BASP1: variants seen among roughly 807,000 people sequenced by gnomAD.
BASP1 encodes brain acid soluble protein 1.
BASP1 carries 1 observed loss-of-function variant against 2.2 expected under a neutral mutation model. The observed-to-expected ratio is 0.46, with a 90% CI of 0.16 to 2.17. BASP1 has a LOEUF of 2.17. Ranked by LOEUF, BASP1 falls within the 30% of genes most tolerant of loss-of-function variation. The probability of loss-of-function intolerance (pLI) is 0.27; values close to 1 mark genes in which losing one functional copy is unlikely to be tolerated. For synonymous variants in BASP1, 187 were observed against 154.2 expected (o/e 1.21, Z -1.58); for missense variants, 352 against 327.2 (o/e 1.08, Z -0.58).
At chr5:17,267,508 AT>A (rs750755152) in intron 1 of BASP1, among the ~76,000 whole-genome samples, 25 of 147,638 alleles carry the variant, frequency 1.7e-4, no homozygotes, top group African/African-American at 5.8e-4. Flanking sequence ...TTTTGTTTGT[AT>A]TTTTTTTTGC....
intron 1 of BASP1, among the ~76,000 whole-genome samples, chr5:17,223,900 C>G (rs1448544338): frequency 6.6e-6 from 1 of 152,210 alleles, no homozygotes; most frequent in Non-Finnish European, 1.5e-5. Context: ...CTACCTCCAC[C>G]CTGCCCCTGC....
At chr5:17,230,612 A>T (rs866108575) in intron 1 of BASP1, among the ~76,000 whole-genome samples, 7 of 152,052 alleles carry the variant, frequency 4.6e-5, no homozygotes, top group South Asian at 4.2e-4. Flanking sequence ...TCTGTGATGC[A>T]GGCTGCAGTG....
Position 17,259,666 on chromosome 5 carries a change from G to GA in BASP1, c.-9-15538dup, listed in dbSNP as rs1167739810. ...ATATGTAAGAATTTTAGGTGGTCGT[G>GA]AAAAGTGTGAACCAGCCCTTTATTT... On this transcript the variant is annotated intron_variant, in intron 1 of 1. Transcript: ENST00000322611. Among the ~76,000 whole-genome samples the GA allele has an allele frequency of 2.6e-5, 4 of 152,306 alleles. No individual in the cohort carries two copies. The East Asian group carries it at 7.7e-4, about 29-fold the overall frequency.
Position 17,275,223 on chromosome 5 carries a change from G to A in BASP1, c.7G>A (p.Gly3Ser). 6.2e-7 allele frequency: 1 copy of A among 1,613,682 alleles called. No homozygotes were observed. Among genetic ancestry groups the A allele is most frequent in the South Asian group, 1.1e-5 (1 of 91,050 alleles). MGGKLSKKKKGYN... is the reference protein window; with the variant it reads MGSKLSKKKKGYN... ...TTGCTTCCAGAACTCCAAGATGGGA[G>A]GCAAGCTCAGCAAGAAGAAGAAGGG... The change falls in exon 2 of 2, where the codon GGC becomes AGC. Residue 3 changes from glycine (G) to serine (S), a missense_variant. Coordinates refer to ENST00000322611, the MANE Select transcript of BASP1 (RefSeq NM_006317.5). This position sits in a 1 kb window ranked among gnomAD's most constrained non-coding sequence, Gnocchi z 5.3.
At chr5:17,237,403 A>G (rs1739770285) in intron 1 of BASP1, among the ~76,000 whole-genome samples, 1 of 152,202 alleles carries the variant, frequency 6.6e-6, no homozygotes, top group Non-Finnish European at 1.5e-5. Flanking sequence ...TGAAGGACCC[A>G]AAGAACTCTC....
chr5:17,225,999 T>A (rs1052320546), intron 1 of BASP1, among the ~76,000 whole-genome samples: 1 of 152,226 alleles, frequency 6.6e-6, no homozygotes. Context: ...AAATGTAAAC[T>A]GTGTGCATTT....
rs574671566 is a variant in BASP1 at position 17,235,944 on chromosome 5, T to G, written c.-10+18134T>G. ...TAATTGCTCTTTATGAATCACTGCT[T>G]TAGTCCAAGCTTGTCCAGTTCTCTG... is the stretch of plus-strand genomic sequence containing the variant. On this transcript the variant is annotated intron_variant, in intron 1 of 1. Transcript: ENST00000322611. Among the ~76,000 whole-genome samples, 449 of 152,318 alleles carry G rather than the reference T, an allele frequency of 2.9e-3. 3 individuals are homozygous for G. The highest frequency in any genetic ancestry group is 0.014 in the Middle Eastern group (4 of 294).
chr5:17,219,041 C>T (rs1022384789), intron 1 of BASP1, among the ~76,000 whole-genome samples: 27 of 152,108 alleles, frequency 1.8e-4, no homozygotes, highest in Admixed American at 1.6e-3. Flanking sequence ...CACTGTGGGG[C>T]GGGCTAAAAC....
chr5:17,240,303 T>C (rs908410284), intron 1 of BASP1, among the ~76,000 whole-genome samples: 4 of 152,024 alleles, frequency 2.6e-5, no homozygotes, highest in Admixed American at 2.6e-4. Flanking sequence ...GGTAGGCCGA[T>C]GTAGGCAGAT....
chr5:17,275,965 CTCTCT>C lies in BASP1; in HGVS notation c.*66_*70del. ...ATCTCCTCTCTCTCTCTCTCTCTCT[CTCTCT>C]ATCTCTCTCTCTATCTCCTCTCTCT... On this transcript the variant is annotated 3_prime_UTR_variant, in exon 2 of 2. Coordinates refer to ENST00000322611, the MANE Select transcript of BASP1 (RefSeq NM_006317.5). The surrounding 1 kb of genome is among the most constrained non-coding windows in gnomAD (Gnocchi z 5.3). The C allele has an allele frequency of 8.1e-7, 1 of 1,236,478 alleles. No homozygotes were observed. The highest frequency in any genetic ancestry group is 1.1e-6 in the Non-Finnish European group (1 of 920,972). 76.6% of individuals were successfully genotyped at this position (1,236,478 alleles called of 1,614,324 possible).
At chr5:17,226,515 C>G (rs540671153) in intron 1 of BASP1, among the ~76,000 whole-genome samples, 1 of 152,216 alleles carries the variant, frequency 6.6e-6, no homozygotes, top group Admixed American at 6.5e-5. Context: ...ACAGTATCCA[C>G]TGACAGAGAG....
chr5:17,247,008 G>A (rs551928279), intron 1 of BASP1, among the ~76,000 whole-genome samples: 32 of 152,210 alleles, frequency 2.1e-4, no homozygotes, highest in African/African-American at 7.2e-4. Context: ...GTAACATGGC[G>A]AAACCCTGTG....
At chr5:17,262,303 C>T (rs918733747) in intron 1 of BASP1, among the ~76,000 whole-genome samples, 1 of 152,194 alleles carries the variant, frequency 6.6e-6, no homozygotes, top group African/African-American at 2.4e-5. Context: ...TGCATTTACC[C>T]ATCCTCATCT....
intron 1 of BASP1, among the ~76,000 whole-genome samples, chr5:17,261,572 T>C (rs935584863): frequency 6.6e-6 from 1 of 152,168 alleles, no homozygotes; most frequent in Non-Finnish European, 1.5e-5. Flanking sequence ...GCATGTTGAG[T>C]TGGAATAACC....
At chr5:17,219,546 C>T (rs941198561) in intron 1 of BASP1, among the ~76,000 whole-genome samples, 6 of 152,176 alleles carry the variant, frequency 3.9e-5, no homozygotes, top group African/African-American at 1.4e-4. Context: ...TGTAACATAT[C>T]TTACTGCAGT....
rs540848238 is a variant in BASP1 at position 17,236,272 on chromosome 5, C to CT, written c.-10+18470dup. 6.6e-6 allele frequency among the ~76,000 whole-genome samples: 1 copy of CT among 151,796 alleles called. No homozygotes were observed. The highest frequency in any genetic ancestry group is 2.1e-4 in the South Asian group (1 of 4,802). ...GTTATCCAGAGAGCGAGTTTCTTTT[C>CT]TTTTTTTTGGGATGGAGTTTCACTC... On this transcript the variant is annotated intron_variant, in intron 1 of 1. Coordinates refer to ENST00000322611, the MANE Select transcript of BASP1 (RefSeq NM_006317.5). The surrounding 1 kb of genome is among the most constrained non-coding windows in gnomAD (Gnocchi z 4.0).
At chr5:17,269,161 A>C (rs143907904) in intron 1 of BASP1, among the ~76,000 whole-genome samples, 1 of 152,342 alleles carries the variant, frequency 6.6e-6, no homozygotes, top group East Asian at 1.9e-4. Context: ...TTGCTCTTTT[A>C]TGGCCTTCCT....
chr5:17,242,133 C>T (rs1739875335), intron 1 of BASP1, among the ~76,000 whole-genome samples: 1 of 152,186 alleles, frequency 6.6e-6, no homozygotes, highest in Non-Finnish European at 1.5e-5. Context: ...GGAAGGCGTT[C>T]TTTGATGCAC....
At chr5:17,223,091 G>C (rs1266546145) in intron 1 of BASP1, among the ~76,000 whole-genome samples, 2 of 151,612 alleles carry the variant, frequency 1.3e-5, no homozygotes, top group Non-Finnish European at 2.9e-5. Context: ...TTGAACTTCT[G>C]TTTGAAGTAG....
Sources: allele counts gnomAD v4.1 joint callset (sites outside exome capture counted in the v4.1 genomes callset), GRCh38; gene constraint gnomAD v4.1.1; non-coding constraint Gnocchi (gnomAD v3.1); transcripts MANE v1.5; gene names NCBI Gene and HGNC (gene_info 2026-07-23, HGNC 2026-07-21).